Variants in C9orf57 observed in about 807,000 individuals in gnomAD.
The protein encoded by C9orf57 is chromosome 9 open reading frame 57.
C9orf57 carries 12 observed loss-of-function variants against 12.9 expected under a neutral mutation model. The observed-to-expected ratio is 0.93, with a 90% CI of 0.60 to 1.51. C9orf57 has a LOEUF of 1.51. Ranked by LOEUF, C9orf57 falls within the 40% of genes most tolerant of loss-of-function variation. C9orf57 has a pLI of 0.00. For missense variants in C9orf57, 141 were observed against 162.8 expected, an observed-to-expected ratio of 0.87 and a Z score of 0.73; for synonymous variants, 49 against 57.1, an observed-to-expected ratio of 0.86 and a Z score of 0.64.
At position 72,052,402 on chromosome 9, in the gene C9orf57, G is replaced by A. The variant is rs1160327332; in HGVS notation, c.314C>T (p.Thr105Ile). 1 of 1,552,146 alleles carries A rather than the reference G, an allele frequency of 6.4e-7. No homozygotes were observed. The highest frequency in any genetic ancestry group is 8.7e-7 in the Non-Finnish European group (1 of 1,147,118). The stretch of plus-strand genomic sequence containing the variant: ...CTTGAAGCACTCTGATGTGTTCTTT[G>A]TGCAGCCTTTGACTGAATACCATTG... The part of the protein sequence containing the change: ...GIQWYSVKGC[T>I]KNTSECFKST... The change falls in exon 5 of 5, where the codon ACA becomes ATA. Residue 105 changes from threonine to isoleucine, a missense_variant. Physicochemically the swap from Thr to Ile is moderately conservative, Grantham distance 89. Coordinates refer to ENST00000651200, the MANE Select transcript of C9orf57 (RefSeq NM_001128618.2).
intron 3 of C9orf57, among the ~76,000 whole-genome samples, chr9:72,056,576 T>C (rs140256268): frequency 0.012 from 1,803 of 152,116 alleles, 42 homozygotes; most frequent in African/African-American, 0.042. Flanking sequence ...TATGTGACTG[T>C]GCAAATTACT....
At chr9:72,057,681 A>C (rs1235661403) in intron 2 of C9orf57, among the ~76,000 whole-genome samples, 1 of 152,206 alleles carries the variant, frequency 6.6e-6, no homozygotes, top group Non-Finnish European at 1.5e-5. Flanking sequence ...CTCAGTGCTT[A>C]ATTAAATCAC....
chr9:72,059,480 A>C (rs762230439), intron 1 of C9orf57, 96 bp from the exon 2 acceptor site: 22 of 1,367,886 alleles, frequency 1.6e-5, no homozygotes, highest in Non-Finnish European at 2.0e-5. Context: ...AATATAAATA[A>C]GTTTATTTTG....
rs111372381 is a variant in C9orf57, at chr9:72,056,093, T to C, written c.261A>G (p.Lys87=). Residue 87 remains lysine, a synonymous_variant, in exon 4 of 5, where the codon AAA becomes AAG. Coordinates refer to ENST00000651200, the MANE Select transcript of C9orf57 (RefSeq NM_001128618.2). ...TCQAEPGQYC[K]EEVHIQGGIQ... ...ACTTACCTTGAATGTGGACCTCTTC[T>C]TTACAGTACTGACCAGGTTCTGCCT... 19 of 1,548,720 alleles carry C rather than the reference T, an allele frequency of 1.2e-5. No individual in the cohort carries two copies. Among genetic ancestry groups the C allele is most frequent in the East Asian group, 2.4e-5 (1 of 40,888 alleles).
At chr9:72,055,766 G>C (rs146664326) in intron 4 of C9orf57, among the ~76,000 whole-genome samples, 1 of 152,156 alleles carries the variant, frequency 6.6e-6, no homozygotes, top group South Asian at 2.1e-4. Flanking sequence ...TACGTGAGTG[G>C]TGTGAATGAG....
chr9:72,052,377 C>G lies in C9orf57; in HGVS notation c.339G>C (p.Lys113Asn). The G allele has an allele frequency of 6.4e-7, 1 of 1,551,972 alleles. No individual in the cohort carries two copies. Residue 113 changes from lysine to asparagine, a missense_variant, in exon 5 of 5, where the codon AAG (lysine) becomes AAC (asparagine). Coordinates refer to ENST00000651200, the MANE Select transcript of C9orf57 (RefSeq NM_001128618.2). ...GCAGAATTCTCTTGACGAGAGTACT[C>G]TTGAAGCACTCTGATGTGTTCTTTG... Reference protein sequence around the residue: ...GCTKNTSECFKSTLVKRILQL... With the variant: ...GCTKNTSECFNSTLVKRILQL...
At chr9:72,060,354 TTAA>T in intron 1 of C9orf57, 140 bp downstream of exon 1, 1 of 603,980 alleles carries the variant, frequency 1.7e-6, no homozygotes, top group Non-Finnish European at 3.0e-6. Flanking sequence ...CTATGAATTA[TTAA>T]TAATACTTTC....
At chr9:72,057,434 C>T (rs1824230993) in intron 2 of C9orf57, among the ~76,000 whole-genome samples, 1 of 151,844 alleles carries the variant, frequency 6.6e-6, no homozygotes, top group Non-Finnish European at 1.5e-5. Context: ...ACCATATTGG[C>T]CAGGCTGGTC....
chr9:72,054,240 T>G (rs1824141340), intron 4 of C9orf57, among the ~76,000 whole-genome samples: 1 of 152,246 alleles, frequency 6.6e-6, no homozygotes, highest in African/African-American at 2.4e-5. Flanking sequence ...TCAGGTGATC[T>G]GCCTGCCTTG....
rs989997983 is a variant in C9orf57, at chr9:72,060,599, T to C, written c.-156A>G. 4.0e-5 allele frequency: 61 copies of C among 1,518,124 alleles called. No individual in the cohort carries two copies. The highest frequency in any genetic ancestry group is 5.3e-5 in the Non-Finnish European group (60 of 1,124,174). The allele number at this position is 1,518,124 out of a possible 1,614,324, so 94.0% of individuals were successfully genotyped here. A position where few individuals can be genotyped will look rare whatever the true frequency, so the allele number is the denominator to read the frequency against. ...GTGATGTGATGAAGTCCGTTACAACTGAAAGCGACACTCTGATCCACTAGA... is the reference window on the plus strand; with the variant it reads ...GTGATGTGATGAAGTCCGTTACAACCGAAAGCGACACTCTGATCCACTAGA... On this transcript the variant is annotated 5_prime_UTR_variant, in exon 1 of 5. Transcript: ENST00000651200.
In C9orf57 at chr9:72,052,250, T is replaced by C; in HGVS notation, c.*46A>G. The C allele has an allele frequency of 6.5e-7, 1 of 1,543,956 alleles. No homozygotes were observed. The highest frequency in any genetic ancestry group is 8.7e-7 in the Non-Finnish European group (1 of 1,143,358). ...CATTTTGTGATAGCCAGGTCAGGCT[T>C]CGAGACTGATTGATCTGCCAAGCAT... On this transcript the variant is annotated 3_prime_UTR_variant, in exon 5 of 5. Coordinates refer to ENST00000651200, the MANE Select transcript of C9orf57 (RefSeq NM_001128618.2).
chr9:72,059,024 T>C (rs1267189404), intron 2 of C9orf57, among the ~76,000 whole-genome samples: 1 of 152,078 alleles, frequency 6.6e-6, no homozygotes, highest in African/African-American at 2.4e-5. Context: ...TTTACAGGCA[T>C]GCACCACCAC....
chr9:72,052,905 A>C (rs900109717), intron 4 of C9orf57, among the ~76,000 whole-genome samples: 1 of 152,200 alleles, frequency 6.6e-6, no homozygotes, highest in African/African-American at 2.4e-5. Flanking sequence ...GTAATGCATG[A>C]TCACTGTAGA....
chr9:72,052,358 T>C lies in C9orf57; in HGVS notation c.358A>G (p.Ile120Val). The C allele has an allele frequency of 6.4e-7, 1 of 1,552,020 alleles. No individual in the cohort carries two copies. Among genetic ancestry groups the C allele is most frequent in the Non-Finnish European group, 8.7e-7 (1 of 1,147,040 alleles). ...GTTACAAGTTCATGCAGTTGCAGAA[T>C]TCTCTTGACGAGAGTACTCTTGAAG... ...ECFKSTLVKRILQLHELVTTH... is the reference protein window; with the variant it reads ...ECFKSTLVKRVLQLHELVTTH... The change falls in exon 5 of 5, where the codon ATT becomes GTT. Residue 120 changes from isoleucine (I) to valine (V), a missense_variant. Ile to Val is a conservative substitution (Grantham distance 29). Transcript: ENST00000651200.
At chr9:72,053,017 C>T (rs187324658) in intron 4 of C9orf57, among the ~76,000 whole-genome samples, 21 of 152,338 alleles carry the variant, frequency 1.4e-4, no homozygotes, top group Admixed American at 9.8e-4. Flanking sequence ...AGGAGCTATT[C>T]CCCAAAGACA....
chr9:72,059,236 A>G lies in C9orf57; in HGVS notation c.96T>C (p.Gly32=). 6.4e-7 allele frequency: 1 copy of G among 1,551,590 alleles called. No homozygotes were observed. Among genetic ancestry groups the G allele is most frequent in the Non-Finnish European group, 8.7e-7 (1 of 1,146,976 alleles). ...LLGVILFGRL[G]DLGTCQTKPG... ...ACTTATGCTTTCCTAATGACTTACC[A>G]CCTAAGCGGCCGAATAAGATAACAC... Residue 32 remains glycine (G), a splice_region_variant and synonymous_variant, in exon 2 of 5, where the codon GGT becomes GGC. Coordinates refer to ENST00000651200, the MANE Select transcript of C9orf57 (RefSeq NM_001128618.2).
intron 4 of C9orf57, among the ~76,000 whole-genome samples, chr9:72,053,154 G>A (rs1033052488): frequency 8.5e-5 from 13 of 152,120 alleles, no homozygotes; most frequent in Admixed American, 7.2e-4. Context: ...TGGTTGGGGC[G>A]GCAGGGTGGG....
At chr9:72,053,232 G>A (rs927204693) in intron 4 of C9orf57, among the ~76,000 whole-genome samples, 1 of 152,108 alleles carries the variant, frequency 6.6e-6, no homozygotes, top group Non-Finnish European at 1.5e-5. Context: ...CAATACAAAA[G>A]ACTGCCCTCC....
intron 4 of C9orf57, among the ~76,000 whole-genome samples, chr9:72,053,436 A>G (rs1245333729): frequency 6.6e-6 from 1 of 152,238 alleles, no homozygotes; most frequent in Non-Finnish European, 1.5e-5. Flanking sequence ...ACTATTGTTA[A>G]TATTTTGTTG....
Sources: allele counts gnomAD v4.1 joint callset (sites outside exome capture counted in the v4.1 genomes callset), GRCh38; gene constraint gnomAD v4.1.1; transcripts MANE v1.5; gene names NCBI Gene and HGNC (gene_info 2026-07-23, HGNC 2026-07-21).